CCDC110: variants seen among roughly 807,000 people sequenced by gnomAD.
CCDC110 encodes coiled-coil domain-containing protein 110.
A neutral mutation model predicts 77.1 loss-of-function variants in CCDC110; 70 were observed. The observed-to-expected ratio is 0.91, with a 90% confidence interval of 0.75 to 1.11. The LOEUF (loss-of-function observed/expected upper bound fraction) is 1.11. Among genes scored for constraint, CCDC110 ranks in the 50% least tolerant of loss-of-function variants. CCDC110 has a pLI of 0.00. For missense variants in CCDC110, 868 were observed against 942.9 expected, an observed-to-expected ratio of 0.92 and a Z score of 1.04; for synonymous variants, 295 against 312.5, an observed-to-expected ratio of 0.94 and a Z score of 0.59.
In CCDC110 at chr4:185,470,975, C is replaced by T; in HGVS notation, c.85G>A (p.Gly29Arg). The T allele has an allele frequency of 6.2e-7, 1 of 1,611,026 alleles. No homozygotes were observed. Among genetic ancestry groups the T allele is most frequent in the Non-Finnish European group, 8.5e-7 (1 of 1,179,372 alleles). ...SASKILNSSE[G>R]VKESGCSDTE... ...TCACTGCAGCCACTTTCCTTCACCC[C>T]CTCCGAAGAATTTAGGATCTTGGAC... Residue 29 changes from glycine to arginine, a missense_variant, in exon 2 of 7, where the codon GGG (glycine) becomes AGG (arginine). Physicochemically the swap from Gly to Arg is moderately radical, Grantham distance 125. Coordinates refer to ENST00000307588, the MANE Select transcript of CCDC110 (RefSeq NM_152775.4).
At position 185,458,312 on chromosome 4, in the gene CCDC110, T is replaced by C. The variant is rs1485659598; in HGVS notation, c.2275A>G (p.Thr759Ala). Residue 759 changes from threonine (T) to alanine (A), a missense_variant, in exon 6 of 7, where the codon ACC becomes GCC. Physicochemically the swap from Thr to Ala is moderately conservative, Grantham distance 58. Transcript: ENST00000307588. ...YVRSIENERD[T>A]LEFEMRHLQR... ...AGATGCCGCATCTCAAATTCCAAGGTATCCCTTTCATTTTCTATGCTTCTT... is the reference window on the plus strand; with the variant it reads ...AGATGCCGCATCTCAAATTCCAAGGCATCCCTTTCATTTTCTATGCTTCTT... 1 of 1,593,944 alleles carries C rather than the reference T, an allele frequency of 6.3e-7. No individual in the cohort carries two copies. The highest frequency in any genetic ancestry group is 2.2e-5 in the East Asian group (1 of 44,554).
rs1254025421 is a variant in CCDC110 at position 185,471,393 on chromosome 4, C to T, written c.10+281G>A. 189 of 135,258 alleles carry T rather than the reference C, an allele frequency of 1.4e-3. 1 individual carries two copies. The African/African-American group carries it at 0.016, about 11-fold the overall frequency. The allele number at this position is 135,258 out of a possible 1,614,324, so 8.4% of individuals were successfully genotyped here. A position where few individuals can be genotyped will look rare whatever the true frequency, so the allele number is the denominator to read the frequency against. ...ATGGGGCGGAGGGACGGCATCAGGCCGGGCCTGGGGCGGGGCGCGGCGCTT... is the reference window on the plus strand; with the variant it reads ...ATGGGGCGGAGGGACGGCATCAGGCTGGGCCTGGGGCGGGGCGCGGCGCTT... On this transcript the variant is annotated intron_variant, in intron 1 of 6. Transcript: ENST00000307588.
chr4:185,455,543 A>G (rs932314458), intron 6 of CCDC110, among the ~76,000 whole-genome samples: 3 of 152,212 alleles, frequency 2.0e-5, no homozygotes, highest in African/African-American at 7.2e-5. Context: ...TAATAAAGGT[A>G]TCAGTTTACC....
At position 185,460,146 on chromosome 4, in the gene CCDC110, A is replaced by G. The variant is rs1580185787; in HGVS notation, c.441T>C (p.Ser147=). ...GAGGGAGACTGTTCACACTATCACC[A>G]CTTAATTTTTCTTCCACTGAATGAA... ...KTLHSVEEKL[S]GDSVNSLPQS... The change falls in exon 6 of 7, where the codon AGT becomes AGC. Residue 147 remains serine (S), a synonymous_variant. Coordinates refer to ENST00000307588, the MANE Select transcript of CCDC110 (RefSeq NM_152775.4). 1 of 1,613,170 alleles carries G rather than the reference A, an allele frequency of 6.2e-7. No homozygotes were observed. The highest frequency in any genetic ancestry group is 1.1e-5 in the South Asian group (1 of 91,060).
Position 185,459,317 on chromosome 4 carries a change from A to G in CCDC110, c.1270T>C (p.Cys424Arg), listed in dbSNP as rs1345645636. 2 of 1,613,018 alleles carry G rather than the reference A, an allele frequency of 1.2e-6. No individual in the cohort carries two copies. Among genetic ancestry groups the G allele is most frequent in the Non-Finnish European group, 1.7e-6 (2 of 1,179,346 alleles). ...TSKVNSVTEQ[C>R]VAKIQYLQNY... ...TGTAAGTACTGAATTTTTGCAACACACTGCTCAGTAACGGAATTAACTTTG... is the reference window on the plus strand; with the variant it reads ...TGTAAGTACTGAATTTTTGCAACACGCTGCTCAGTAACGGAATTAACTTTG... Residue 424 changes from cysteine (C) to arginine (R), a missense_variant, in exon 6 of 7, where the codon TGT becomes CGT. Coordinates refer to ENST00000307588, the MANE Select transcript of CCDC110 (RefSeq NM_152775.4).
rs2095642687 is a variant in CCDC110, at chr4:185,459,807, C to T, written c.780G>A (p.Val260=). Residue 260 remains valine, a synonymous_variant, in exon 6 of 7, where the codon GTG becomes GTA. Coordinates refer to ENST00000307588, the MANE Select transcript of CCDC110 (RefSeq NM_152775.4). ...AAGTCTGAAGTTCATTTGTAAGTGC[C>T]ACTTCCCCATCATGTGACTTTTGAA... The part of the protein sequence containing the change: ...EELQKSHDGE[V]ALTNELQTLQ... 1 of 1,613,578 alleles carries T rather than the reference C, an allele frequency of 6.2e-7. No homozygotes were observed. Among genetic ancestry groups the T allele is most frequent in the Non-Finnish European group, 8.5e-7 (1 of 1,179,864 alleles).
At position 185,471,028 on chromosome 4, in the gene CCDC110, T is replaced by A; in HGVS notation, c.32A>T (p.Asp11Val). The change falls in exon 2 of 7, where the codon GAT becomes GTT. Residue 11 changes from aspartate to valine, a missense_variant. Asp to Val is a radical substitution (Grantham distance 152). Transcript: ENST00000307588. ...TGAAAGGAGAACGGAGTCAACTTCA[T>A]CCTCTTCCCGGTGCTGCTTTTCTGT... is the stretch of plus-strand genomic sequence containing the variant. MSPEKQHREE[D>V]EVDSVLLSAS... 3.2e-6 allele frequency: 5 copies of A among 1,581,864 alleles called. No individual in the cohort carries two copies. The highest frequency in any genetic ancestry group is 1.1e-5 in the South Asian group (1 of 89,932).
chr4:185,470,380 C>T (rs1273530680), intron 2 of CCDC110, among the ~76,000 whole-genome samples: 1 of 152,086 alleles, frequency 6.6e-6, no homozygotes, highest in Non-Finnish European at 1.5e-5. Context: ...ATACCTTATA[C>T]AATGTAAATG....
chr4:185,462,915 C>T, intron 3 of CCDC110, 79 bp downstream of exon 3: 1 of 1,230,516 alleles, frequency 8.1e-7, no homozygotes, highest in Non-Finnish European at 1.2e-6. Flanking sequence ...AACCCGTTTG[C>T]ATTTAGGGAG....
chr4:185,470,858 G>T, intron 2 of CCDC110, 87 bp downstream of exon 2: 1 of 970,292 alleles, frequency 1.0e-6, no homozygotes, highest in Non-Finnish European at 1.7e-6. Flanking sequence ...ACGGCCGTGG[G>T]AAGCACGCCA....
chr4:185,461,279 C>T, intron 4 of CCDC110, 120 bp from the exon 5 acceptor site: 2 of 538,904 alleles, frequency 3.7e-6, no homozygotes, highest in South Asian at 5.1e-5. Context: ...ACAGTCTTTC[C>T]CATCTTATAG....
chr4:185,464,580 C>G (rs949959513), intron 2 of CCDC110, among the ~76,000 whole-genome samples: 1 of 152,204 alleles, frequency 6.6e-6, no homozygotes, highest in Admixed American at 6.5e-5. Flanking sequence ...TTTTCAGACT[C>G]TAAAGTAACC....
At chr4:185,449,800 T>TTATTA in intron 6 of CCDC110, 1 of 507,954 alleles carries the variant, frequency 2.0e-6, no homozygotes, top group Non-Finnish European at 3.5e-6. Flanking sequence ...TTAATACTAC[T>TTATTA]AGTTAATAAA....
chr4:185,462,955 C>T (rs2095649056), intron 3 of CCDC110, 39 bp downstream of exon 3: 1 of 1,526,748 alleles, frequency 6.5e-7, no homozygotes. Context: ...CAGCCTTTAC[C>T]CAGAATTTTG....
At chr4:185,457,605 G>T (rs922498286) in intron 6 of CCDC110, 2 of 486,186 alleles carry the variant, frequency 4.1e-6, no homozygotes, top group Non-Finnish European at 3.5e-6. Flanking sequence ...TCTCAGATTC[G>T]CCACCGTTCT....
intron 2 of CCDC110, among the ~76,000 whole-genome samples, chr4:185,464,406 C>T (rs531616646): frequency 6.6e-6 from 1 of 152,238 alleles, no homozygotes; most frequent in Admixed American, 6.5e-5. Flanking sequence ...TTAGCTTTGC[C>T]TCCACCTTCA....
In CCDC110 at chr4:185,459,020, T is replaced by G; in HGVS notation, c.1567A>C (p.Lys523Gln). 6.3e-7 allele frequency: 1 copy of G among 1,592,368 alleles called. No individual in the cohort carries two copies. Residue 523 changes from lysine to glutamine, a missense_variant, in exon 6 of 7, where the codon AAA (lysine) becomes CAA (glutamine). By Grantham distance (53) the Lys-to-Gln change is moderately conservative. Coordinates refer to ENST00000307588, the MANE Select transcript of CCDC110 (RefSeq NM_152775.4). The stretch of plus-strand genomic sequence containing the variant: ...TGTATATTTTTTTCCTCTAGAGTTT[T>G]ATTTTGGCCTTGCAGAACATTATAT... Reference protein sequence around the residue: ...SKYNVLQGQNKTLEEKNIQLS... With the variant: ...SKYNVLQGQNQTLEEKNIQLS...
At chr4:185,452,386 T>C in intron 6 of CCDC110, 1 of 985,268 alleles carries the variant, frequency 1.0e-6, no homozygotes, top group Non-Finnish European at 1.2e-6. Flanking sequence ...GAAACAATGA[T>C]TGTGGATGTT....
At chr4:185,455,855 C>T (rs1303297861) in intron 6 of CCDC110, among the ~76,000 whole-genome samples, 1 of 151,758 alleles carries the variant, frequency 6.6e-6, no homozygotes, top group African/African-American at 2.4e-5. Context: ...TGCACTCCAG[C>T]CCGGGCTGAC....
Sources: gnomAD v4.1 joint callset for allele counts (sites outside exome capture counted in the v4.1 genomes callset) on GRCh38, gnomAD v4.1.1 for gene constraint, MANE v1.5 for transcripts, NCBI Gene and HGNC (gene_info 2026-07-23, HGNC 2026-07-21) for gene names.